AIDA: variants seen among roughly 807,000 people sequenced by gnomAD.
The protein encoded by AIDA is axin interactor, dorsalization-associated protein.
AIDA carries 18 observed loss-of-function variants against 42.7 expected under a neutral mutation model. The observed-to-expected ratio is 0.42, with a 90% CI of 0.29 to 0.63. AIDA has a LOEUF of 0.63. Ranked by LOEUF, AIDA falls within the 20% of genes least tolerant of loss-of-function variation. The pLI is 0.19. For missense variants in AIDA, 250 were observed against 354.1 expected (o/e 0.71, Z 2.36); for synonymous variants, 104 against 122.9 (o/e 0.85, Z 1.02).
intron 8 of AIDA, 151 bp from the exon 9 acceptor site, chr1:222,670,401 T>A: frequency 3.0e-6 from 2 of 656,416 alleles, no homozygotes; most frequent in Non-Finnish European, 5.4e-6. Flanking sequence ...TGACAGTAAC[T>A]TACTATGGTT....
intron 2 of AIDA, among the ~76,000 whole-genome samples, chr1:222,695,367 C>T (rs1655489623): frequency 6.6e-6 from 1 of 152,186 alleles, no homozygotes; most frequent in South Asian, 2.1e-4. Flanking sequence ...TTGCACATGC[C>T]TGTAGTCCCA....
At chr1:222,687,087 T>C (rs770066336) in intron 5 of AIDA, 51 bp from the exon 6 acceptor site, 8 of 1,582,724 alleles carry the variant, frequency 5.1e-6, no homozygotes, top group Non-Finnish European at 6.9e-6. Context: ...CTAAATATAC[T>C]AGTGAAGCCT....
At position 222,676,544 on chromosome 1, in the gene AIDA, T is replaced by C. The variant is rs139559580; in HGVS notation, c.461-326A>G. Among the ~76,000 whole-genome samples, 225 of 152,318 alleles carry C rather than the reference T, an allele frequency of 1.5e-3. 6 individuals carry two copies. The South Asian group carries it at 0.021, about 14-fold the overall frequency. ...CATACATACACTTTGTATATGCTCA[T>C]TTATATAATATACTTCTCATCTCAA... On this transcript the variant is annotated intron_variant, in intron 6 of 9. Coordinates refer to ENST00000340020, the MANE Select transcript of AIDA (RefSeq NM_022831.4).
chr1:222,689,520 TACAC>T (rs1553294405), intron 4 of AIDA, among the ~76,000 whole-genome samples: 12 of 58,096 alleles, frequency 2.1e-4, no homozygotes, highest in South Asian at 1.8e-3. Context: ...TATATATATA[TACAC>T]ACATACACAC....
intron 8 of AIDA, among the ~76,000 whole-genome samples, chr1:222,672,756 C>T (rs1346946029): frequency 6.6e-6 from 1 of 152,192 alleles, no homozygotes; most frequent in Non-Finnish European, 1.5e-5. Context: ...TGCAACTGAA[C>T]CCTCAGGTGA....
intron 3 of AIDA, 24 bp from the exon 4 acceptor site, chr1:222,693,867 C>T (rs1182073809): frequency 2.6e-6 from 4 of 1,562,610 alleles, no homozygotes; most frequent in Non-Finnish European, 3.5e-6. Flanking sequence ...AAGCATATTA[C>T]ATCTTTTCAC....
At position 222,687,664 on chromosome 1, in the gene AIDA, A is replaced by T. The variant is rs1655237822; in HGVS notation, c.290-6T>A. On this transcript the variant is annotated splice_polypyrimidine_tract_variant and splice_region_variant and intron_variant, in intron 4 of 9. Transcript: ENST00000340020. ...TGTAAGAATATTCTTTAGGACTAGA[A>T]TAAGAAGATAAAGAAACATGAATTC... 1.4e-6 allele frequency: 2 copies of T among 1,463,396 alleles called. No individual in the cohort carries two copies. Among genetic ancestry groups the T allele is most frequent in the Non-Finnish European group, 1.8e-6 (2 of 1,081,800 alleles). The allele number at this position is 1,463,396 out of a possible 1,614,324, so 90.7% of individuals were successfully genotyped here.
intron 1 of AIDA, among the ~76,000 whole-genome samples, chr1:222,708,027 G>A (rs1478230965): frequency 1.3e-5 from 2 of 152,114 alleles, no homozygotes; most frequent in Non-Finnish European, 2.9e-5. Context: ...TGACAAGTGG[G>A]GCCGGGCCTG....
chr1:222,690,176 A>C (rs906089852), intron 4 of AIDA, among the ~76,000 whole-genome samples: 1 of 152,210 alleles, frequency 6.6e-6, no homozygotes, highest in Non-Finnish European at 1.5e-5. Flanking sequence ...CCTTGAGTGC[A>C]TCCCTGTCAT....
intron 4 of AIDA, 130 bp downstream of exon 4, chr1:222,693,659 C>A: frequency 2.9e-6 from 2 of 690,388 alleles, no homozygotes; most frequent in South Asian, 3.3e-5. Flanking sequence ...ACAAAAGCAC[C>A]CAAAAAATCA....
chr1:222,689,518 T>C (rs200326232), intron 4 of AIDA, among the ~76,000 whole-genome samples: 6,361 of 68,892 alleles, frequency 0.092, 758 homozygotes, highest in Admixed American at 0.33. Flanking sequence ...TATATATATA[T>C]ATACACACAT....
chr1:222,686,175 C>CAA (rs1655173487), intron 6 of AIDA, among the ~76,000 whole-genome samples: 1 of 151,994 alleles, frequency 6.6e-6, no homozygotes, highest in Non-Finnish European at 1.5e-5. Flanking sequence ...CAAAACAAAA[C>CAA]AAAACAAAAG....
At chr1:222,711,482 G>A (rs1343037633) in intron 1 of AIDA, 1 of 152,128 alleles carries the variant, frequency 6.6e-6, no homozygotes, top group Non-Finnish European at 1.5e-5. Context: ...TGCTCTCTTC[G>A]GTTCACATCC....
chr1:222,670,051 A>AT lies in AIDA; in HGVS notation c.825-63_825-62insA, dbSNP rs1183323770. On this transcript the variant is annotated intron_variant, in intron 9 of 9. Transcript: ENST00000340020. ...ATTGATAACTGAACTCTTCAAGGTT[A>AT]AATACTGGATATGGGGGATTCAGAA... The AT allele has an allele frequency of 2.5e-6, 4 of 1,610,286 alleles. No homozygotes were observed. The African/African-American group carries it at 5.4e-5, about 22-fold the overall frequency.
chr1:222,688,088 C>T (rs761360596), intron 4 of AIDA, among the ~76,000 whole-genome samples: 2 of 152,074 alleles, frequency 1.3e-5, no homozygotes, highest in South Asian at 2.1e-4. Context: ...GGCATGGTGG[C>T]GCAGGTCTGT....
intron 6 of AIDA, among the ~76,000 whole-genome samples, chr1:222,679,657 A>G (rs756105211): frequency 2.0e-5 from 3 of 152,236 alleles, no homozygotes; most frequent in Non-Finnish European, 4.4e-5. Context: ...AAAGTTAAGT[A>G]ATCTGCCCAC....
chr1:222,681,002 A>G (rs938515036), intron 6 of AIDA, among the ~76,000 whole-genome samples: 4 of 152,046 alleles, frequency 2.6e-5, no homozygotes, highest in Non-Finnish European at 5.9e-5. Context: ...CATATCCTGA[A>G]GAGGTTTTGT....
At chr1:222,707,974 T>G (rs1485368408) in intron 1 of AIDA, among the ~76,000 whole-genome samples, 1 of 152,188 alleles carries the variant, frequency 6.6e-6, no homozygotes, top group Admixed American at 6.5e-5. Context: ...CACCAATCTG[T>G]GGACCACACT....
At chr1:222,707,853 T>C (rs1038264205) in intron 1 of AIDA, among the ~76,000 whole-genome samples, 1 of 152,248 alleles carries the variant, frequency 6.6e-6, no homozygotes, top group Admixed American at 6.5e-5. Flanking sequence ...AATACTTTTG[T>C]GAAATACAAT....
Sources: allele counts gnomAD v4.1 joint callset (sites outside exome capture counted in the v4.1 genomes callset), GRCh38; gene constraint gnomAD v4.1.1; transcripts MANE v1.5; gene names NCBI Gene and HGNC (gene_info 2026-07-23, HGNC 2026-07-21).